MRPL42: variants seen among roughly 807,000 people sequenced by gnomAD.
MRPL42 encodes mitochondrial ribosomal protein L42.
Under a neutral mutation model 17.9 loss-of-function variants are expected in MRPL42, and 17 were observed. The ratio of observed to expected loss-of-function variants is 0.95; its 90% CI spans 0.65 to 1.42. The LOEUF (loss-of-function observed/expected upper bound fraction) is 1.42. Among genes scored for constraint, MRPL42 ranks in the 40% most tolerant of loss-of-function variants. MRPL42 has a pLI of 0.00. For missense variants in MRPL42, 177 were observed against 175.2 expected, an observed-to-expected ratio of 1.01 and a Z score of -0.06; for synonymous variants, 59 against 54.4, an observed-to-expected ratio of 1.08 and a Z score of -0.37.
At chr12:93,471,201 G>C (rs1191004388) in intron 2 of MRPL42, among the ~76,000 whole-genome samples, 1 of 151,978 alleles carries the variant, frequency 6.6e-6, no homozygotes, top group African/African-American at 2.4e-5. Context: ...ACTGGATCTT[G>C]CTCCCAGGCT....
At position 93,478,382 on chromosome 12, in the gene MRPL42, G is replaced by A. The variant is rs988012613; in HGVS notation, c.135-1006G>A. ...CCTGCCTCAGTCTGCCCAAGTAACTGGAACTACAGGTGTGTGCCACCACAC... is the reference window on the plus strand; with the variant it reads ...CCTGCCTCAGTCTGCCCAAGTAACTAGAACTACAGGTGTGTGCCACCACAC... On this transcript the variant is annotated intron_variant, in intron 3 of 5. Coordinates refer to ENST00000549982, the MANE Select transcript of MRPL42 (RefSeq NM_014050.4). 2.0e-5 allele frequency among the ~76,000 whole-genome samples: 3 copies of A among 151,770 alleles called. No homozygotes were observed. In the South Asian group the frequency reaches 6.2e-4, roughly 32 times the overall value.
At chr12:93,482,055 G>C (rs1205205949) in intron 4 of MRPL42, among the ~76,000 whole-genome samples, 1 of 151,956 alleles carries the variant, frequency 6.6e-6, no homozygotes, top group Non-Finnish European at 1.5e-5. Flanking sequence ...CTCTAGTTTA[G>C]GTAAGTAATC....
intron 2 of MRPL42, among the ~76,000 whole-genome samples, chr12:93,474,674 C>CA (rs1254758108): frequency 6.6e-6 from 1 of 152,166 alleles, no homozygotes; most frequent in Non-Finnish European, 1.5e-5. Flanking sequence ...TGGCCTTGAG[C>CA]AGTGTTGGCC....
chr12:93,480,804 C>T (rs571394866), intron 4 of MRPL42, among the ~76,000 whole-genome samples: 8 of 151,974 alleles, frequency 5.3e-5, no homozygotes, highest in Non-Finnish European at 8.8e-5. Context: ...CCTCCCAAAG[C>T]GCTGGGATTA....
intron 5 of MRPL42, among the ~76,000 whole-genome samples, chr12:93,489,905 A>G (rs1303741429): frequency 6.6e-6 from 1 of 152,190 alleles, no homozygotes; most frequent in Non-Finnish European, 1.5e-5. Flanking sequence ...TTTAATTGTA[A>G]GGTTAGGATA....
At position 93,503,380 on chromosome 12, in the gene MRPL42, T is replaced by C. The variant is rs1368337172; in HGVS notation, c.*2159T>C. 1 of 95,286 alleles carries C rather than the reference T, an allele frequency of 1.0e-5. No homozygotes were observed. The highest frequency in any genetic ancestry group is 2.3e-5 in the Non-Finnish European group (1 of 43,058). 5.9% of individuals were successfully genotyped at this position (95,286 alleles called of 1,614,324 possible). Reference sequence around the variant, plus strand: ...TTCTGAGTAGACCAATAGCAAAAACTGATTTTTTTTTTTTTTTAAAGAAAA... The same window carrying C: ...TTCTGAGTAGACCAATAGCAAAAACCGATTTTTTTTTTTTTTTAAAGAAAA... On this transcript the variant is annotated 3_prime_UTR_variant, in exon 6 of 6. Coordinates refer to ENST00000549982, the MANE Select transcript of MRPL42 (RefSeq NM_014050.4).
At chr12:93,499,576 C>T (rs1014836060) in intron 5 of MRPL42, among the ~76,000 whole-genome samples, 2 of 151,966 alleles carry the variant, frequency 1.3e-5, no homozygotes, top group Non-Finnish European at 2.9e-5. Context: ...ACTAGTACAA[C>T]CTTGATTATC....
intron 1 of MRPL42, among the ~76,000 whole-genome samples, chr12:93,467,984 G>C (rs937139916): frequency 2.6e-5 from 4 of 152,150 alleles, no homozygotes; most frequent in Admixed American, 6.5e-5. Context: ...TCGGACAGAG[G>C]GGACCTAATT....
rs558608798 is a variant in MRPL42 at position 93,488,588 on chromosome 12, C to T, written c.383+928C>T. On this transcript the variant is annotated intron_variant, in intron 5 of 5. Transcript: ENST00000549982. ...TAAGTAATTGATTGTGTCTTCAGCC[C>T]TTTATCAATTTCTTTATCATATTTT... 9 of 287,882 alleles carry T rather than the reference C, an allele frequency of 3.1e-5. No homozygotes were observed. The East Asian group carries it at 4.6e-4, about 15-fold the overall frequency. The allele number at this position is 287,882 out of a possible 1,614,324, so 17.8% of individuals were successfully genotyped here.
chr12:93,486,757 C>T (rs1256989862), intron 4 of MRPL42, among the ~76,000 whole-genome samples: 1 of 151,948 alleles, frequency 6.6e-6, no homozygotes, highest in Non-Finnish European at 1.5e-5. Context: ...CTTTGAGAAA[C>T]AGAAACTAAA....
At chr12:93,495,032 A>G (rs1565817869) in intron 5 of MRPL42, among the ~76,000 whole-genome samples, 2 of 152,164 alleles carry the variant, frequency 1.3e-5, no homozygotes, top group East Asian at 1.9e-4. Context: ...GTTTGCAGGG[A>G]AAAGGAGCCT....
At chr12:93,490,008 A>G (rs1033172707) in intron 5 of MRPL42, among the ~76,000 whole-genome samples, 2 of 152,184 alleles carry the variant, frequency 1.3e-5, no homozygotes, top group African/African-American at 2.4e-5. Flanking sequence ...GATTCTTAAC[A>G]TCTCAGGTTT....
rs192231260 is a variant in MRPL42 at position 93,511,992 on chromosome 12, G to C, written c.*10771G>C. ...AGTAAAGAACATAACTTGTGTAAAG[G>C]CTAATGCAATAAGTTTGAGATTGTT... On this transcript the variant is annotated 3_prime_UTR_variant, in exon 6 of 6. Coordinates refer to ENST00000549982, the MANE Select transcript of MRPL42 (RefSeq NM_014050.4). The C allele has an allele frequency of 5.9e-5, 9 of 152,286 alleles. No homozygotes were observed. Among genetic ancestry groups the C allele is most frequent in the African/African-American group, 1.7e-4 (7 of 41,550 alleles). The allele number at this position is 152,286 out of a possible 1,614,324, so 9.4% of individuals were successfully genotyped here. A position where few individuals can be genotyped will look rare whatever the true frequency, so the allele number is the denominator to read the frequency against.
At position 93,513,606 on chromosome 12, in the gene MRPL42, G is replaced by A. The variant is rs751910749; in HGVS notation, c.*12385G>A. 6.6e-5 allele frequency: 10 copies of A among 152,078 alleles called. No individual in the cohort carries two copies. Among genetic ancestry groups the A allele is most frequent in the Non-Finnish European group, 1.2e-4 (8 of 68,010 alleles). 9.4% of individuals were successfully genotyped at this position (152,078 alleles called of 1,614,324 possible). On this transcript the variant is annotated 3_prime_UTR_variant, in exon 6 of 6. Transcript: ENST00000549982. Reference sequence around the variant, plus strand: ...TATAATTGAAGAATGACAAAAAGTTGAGTTATAGAAATTATATTAATCTTA... The same window carrying A: ...TATAATTGAAGAATGACAAAAAGTTAAGTTATAGAAATTATATTAATCTTA...
Position 93,472,958 on chromosome 12 carries a change from T to C in MRPL42, c.70+3603T>C, listed in dbSNP as rs190831734. ...ACAAAAACTGTGACCAAAATCTGGA[T>C]CTCCCACCTTACTTTGTCCTGTATA... On this transcript the variant is annotated intron_variant, in intron 2 of 5. Transcript: ENST00000549982. 2.2e-3 allele frequency among the ~76,000 whole-genome samples: 337 copies of C among 152,334 alleles called. 2 individuals are homozygous for C. The highest frequency in any genetic ancestry group is 4.2e-3 in the Admixed American group (65 of 15,298).
At chr12:93,484,316 G>T (rs2121215242) in intron 4 of MRPL42, among the ~76,000 whole-genome samples, 1 of 152,220 alleles carries the variant, frequency 6.6e-6, no homozygotes, top group Non-Finnish European at 1.5e-5. Flanking sequence ...CTGAGCTCAA[G>T]CCTCACAAAG....
At chr12:93,468,164 T>C (rs1256846385) in intron 1 of MRPL42, among the ~76,000 whole-genome samples, 2 of 152,176 alleles carry the variant, frequency 1.3e-5, no homozygotes, top group African/African-American at 4.8e-5. Context: ...ACATATTGTA[T>C]ATGAAAGTGG....
In MRPL42 at chr12:93,469,275, C is replaced by T; in HGVS notation, c.-11C>T. 1.2e-6 allele frequency: 2 copies of T among 1,601,504 alleles called. No homozygotes were observed. The highest frequency in any genetic ancestry group is 1.7e-6 in the Non-Finnish European group (2 of 1,175,570). Reference sequence around the variant, plus strand: ...TTTTTTCATACCACTTGATAAGCATCTTGAAACACCATGGCTGTAGCTGCA... The same window carrying T: ...TTTTTTCATACCACTTGATAAGCATTTTGAAACACCATGGCTGTAGCTGCA... On this transcript the variant is annotated 5_prime_UTR_variant, in exon 2 of 6. Coordinates refer to ENST00000549982, the MANE Select transcript of MRPL42 (RefSeq NM_014050.4).
Position 93,505,074 on chromosome 12 carries a change from ATG to A in MRPL42, c.*3857_*3858del, listed in dbSNP as rs1953654200. ...TGAAATTGTGTAGAATTTTGAGAAT[ATG>A]TGTTTTCCTGGGGATAGAGTATGTA... On this transcript the variant is annotated 3_prime_UTR_variant, in exon 6 of 6. Coordinates refer to ENST00000549982, the MANE Select transcript of MRPL42 (RefSeq NM_014050.4). The A allele has an allele frequency of 6.6e-6, 1 of 152,216 alleles. No homozygotes were observed. Among genetic ancestry groups the A allele is most frequent in the African/African-American group, 2.4e-5 (1 of 41,450 alleles). The allele number at this position is 152,216 out of a possible 1,614,324, so 9.4% of individuals were successfully genotyped here.
Sources: gnomAD v4.1 joint callset for allele counts (sites outside exome capture counted in the v4.1 genomes callset) on GRCh38, gnomAD v4.1.1 for gene constraint, MANE v1.5 for transcripts, NCBI Gene and HGNC (gene_info 2026-07-23, HGNC 2026-07-21) for gene names.